Variants in TCERG1L observed in about 807,000 individuals in gnomAD.
TCERG1L encodes transcription elongation regulator 1-like protein.
Under a neutral mutation model 56.3 loss-of-function variants are expected in TCERG1L, and 37 were observed. The observed-to-expected ratio is 0.66, with a 90% CI of 0.51 to 0.87. TCERG1L has a LOEUF of 0.87. Ranked by LOEUF, TCERG1L falls within the 40% of genes least tolerant of loss-of-function variation. The pLI is 0.00. For missense variants in TCERG1L, 799 were observed against 774.2 expected (o/e 1.03, Z -0.38); for synonymous variants, 324 against 326.3 (o/e 0.99, Z 0.08).
intron 3 of TCERG1L, among the ~76,000 whole-genome samples, chr10:131,275,245 G>A (rs376243908): frequency 2.0e-5 from 3 of 152,164 alleles, no homozygotes; most frequent in Non-Finnish European, 4.4e-5. Context: ...CACCGCATGG[G>A]TATGAACAAG....
intron 4 of TCERG1L, among the ~76,000 whole-genome samples, chr10:131,258,169 T>A (rs75647646): frequency 0.021 from 3,230 of 151,682 alleles, 74 homozygotes; most frequent in East Asian, 0.067. Context: ...AGAAATTTCC[T>A]AGGGGGCTGC....
chr10:131,112,288 C>T (rs1845419551), intron 9 of TCERG1L, among the ~76,000 whole-genome samples: 1 of 142,656 alleles, frequency 7.0e-6, no homozygotes, highest in African/African-American at 2.5e-5. Flanking sequence ...CTGACTCCCA[C>T]ACTGTCCTGG....
intron 4 of TCERG1L, among the ~76,000 whole-genome samples, chr10:131,170,878 T>C (rs916741319): frequency 1.6e-4 from 24 of 152,148 alleles, no homozygotes; most frequent in African/African-American, 5.8e-4. Context: ...CCGGGCGCCG[T>C]GGCTCACACC....
intron 10 of TCERG1L, among the ~76,000 whole-genome samples, chr10:131,102,500 G>A (rs1177633529): frequency 6.6e-6 from 1 of 152,206 alleles, no homozygotes; most frequent in African/African-American, 2.4e-5. Context: ...GCAGAGGACA[G>A]AATTGAAAAT....
At chr10:131,292,742 T>C (rs1298085245) in intron 3 of TCERG1L, among the ~76,000 whole-genome samples, 1 of 152,160 alleles carries the variant, frequency 6.6e-6, no homozygotes, top group East Asian at 1.9e-4. Flanking sequence ...TTTATCTAAT[T>C]ACTTAAAAAT....
chr10:131,161,430 G>A (rs997292787), intron 6 of TCERG1L: 1 of 152,220 alleles, frequency 6.6e-6, no homozygotes, highest in Non-Finnish European at 1.5e-5. Flanking sequence ...GGATGTATAC[G>A]GTCTTTGTTC....
chr10:131,284,125 C>CAA (rs10534180), intron 3 of TCERG1L, among the ~76,000 whole-genome samples: 1 of 116,398 alleles, frequency 8.6e-6, no homozygotes, highest in Non-Finnish European at 1.8e-5. Context: ...GACCACATCT[C>CAA]AAAAAAAAAA....
At chr10:131,201,337 G>A (rs1211431845) in intron 4 of TCERG1L, among the ~76,000 whole-genome samples, 1 of 152,138 alleles carries the variant, frequency 6.6e-6, no homozygotes. Flanking sequence ...CGACAGAGAG[G>A]GTCACGCTGG....
At chr10:131,273,717 G>T (rs1312115141) in intron 3 of TCERG1L, among the ~76,000 whole-genome samples, 1 of 152,152 alleles carries the variant, frequency 6.6e-6, no homozygotes, top group African/African-American at 2.4e-5. Flanking sequence ...GGTGGCACTG[G>T]CCCAAGGTCT....
At chr10:131,292,537 T>C (rs1169486847) in intron 3 of TCERG1L, among the ~76,000 whole-genome samples, 3 of 152,226 alleles carry the variant, frequency 2.0e-5, no homozygotes, top group East Asian at 3.8e-4. Context: ...TTAAAAAACA[T>C]TGGTAATCAA....
At chr10:131,119,324 T>C (rs946528296) in intron 8 of TCERG1L, among the ~76,000 whole-genome samples, 1 of 152,208 alleles carries the variant, frequency 6.6e-6, no homozygotes, top group Admixed American at 6.5e-5. Flanking sequence ...AAAAGATTGC[T>C]CAGCCCATTA....
intron 4 of TCERG1L, among the ~76,000 whole-genome samples, chr10:131,236,814 T>A (rs1400783199): frequency 6.6e-6 from 1 of 152,076 alleles, no homozygotes; most frequent in East Asian, 1.9e-4. Context: ...TCCCTAGAAG[T>A]GGGTGAAGAT....
At chr10:131,110,799 A>ACGTTCAGATGATTTTGCTG (rs1274656993) in intron 9 of TCERG1L, among the ~76,000 whole-genome samples, 27 of 144,302 alleles carry the variant, frequency 1.9e-4, no homozygotes, top group East Asian at 6.9e-4. Context: ...AAGGGGGTTC[A>ACGTTCAGATGATTTTGCTG]ATTCAAGTAA....
intron 3 of TCERG1L, among the ~76,000 whole-genome samples, 190 bp downstream of exon 3, chr10:131,308,021 C>A (rs542445254): frequency 6.6e-6 from 1 of 151,992 alleles, no homozygotes; most frequent in Non-Finnish European, 1.5e-5. Flanking sequence ...CCACCCACCC[C>A]AGAAAAAAAT....
At chr10:131,285,488 GAA>G (rs1388944249) in intron 3 of TCERG1L, among the ~76,000 whole-genome samples, 1,062 of 16,840 alleles carry the variant, frequency 0.063, 21 homozygotes, top group East Asian at 0.36. Flanking sequence ...AAGAAAGAAA[GAA>G]AGAAAGAAAG....
At chr10:131,185,494 C>T (rs1303309884) in intron 4 of TCERG1L, among the ~76,000 whole-genome samples, 1 of 152,170 alleles carries the variant, frequency 6.6e-6, no homozygotes, top group Middle Eastern at 3.4e-3. Flanking sequence ...CTGATAAAGG[C>T]CTGGTCTGGT....
chr10:131,100,835 T>C (rs1342096233), intron 10 of TCERG1L, among the ~76,000 whole-genome samples: 1 of 152,150 alleles, frequency 6.6e-6, no homozygotes, highest in East Asian at 1.9e-4. Flanking sequence ...TTGGATGGGG[T>C]CCAGCTATGA....
intron 4 of TCERG1L, among the ~76,000 whole-genome samples, chr10:131,254,651 A>G (rs1846149254): frequency 6.6e-6 from 1 of 152,158 alleles, no homozygotes; most frequent in Non-Finnish European, 1.5e-5. Flanking sequence ...AGGAGGAGGC[A>G]CCGTGGACTC....
chr10:131,259,488 A>C (rs1206576043), intron 4 of TCERG1L, among the ~76,000 whole-genome samples: 1 of 152,172 alleles, frequency 6.6e-6, no homozygotes, highest in Non-Finnish European at 1.5e-5. Flanking sequence ...AGAAACACGC[A>C]TTTCACAAGG....
Sources: gnomAD v4.1 joint callset for allele counts (sites outside exome capture counted in the v4.1 genomes callset) on GRCh38, gnomAD v4.1.1 for gene constraint, MANE v1.5 for transcripts, NCBI Gene and HGNC (gene_info 2026-07-23, HGNC 2026-07-21) for gene names.